AKT3: variants seen among roughly 807,000 people sequenced by gnomAD.
The protein encoded by AKT3 is AKT serine/threonine kinase 3.
AKT3 carries 15 observed loss-of-function variants against 65.3 expected under a neutral mutation model. That is an observed-to-expected ratio of 0.23 (90% CI 0.15 to 0.35). AKT3 has a LOEUF of 0.35. AKT3 is among the 10% of genes least tolerant of loss of function. AKT3 has a pLI of 1.00. For synonymous variants in AKT3, 206 were observed against 183.8 expected, an observed-to-expected ratio of 1.12 and a Z score of -0.98; for missense variants, 243 against 576.5, an observed-to-expected ratio of 0.42 and a Z score of 5.92.
At chr1:243,584,039 T>C (rs945062533) in intron 8 of AKT3, among the ~76,000 whole-genome samples, 8 of 152,252 alleles carry the variant, frequency 5.3e-5, no homozygotes, top group Admixed American at 2.0e-4. Context: ...AAAAGTTGGT[T>C]CTTTGAAAGG....
chr1:243,798,828 C>G (rs1692208474), intron 2 of AKT3, among the ~76,000 whole-genome samples: 1 of 152,152 alleles, frequency 6.6e-6, no homozygotes, highest in Non-Finnish European at 1.5e-5. Context: ...GTCATCAACC[C>G]CTTAACACAG....
At chr1:243,686,779 T>C (rs1274266153) in intron 3 of AKT3, among the ~76,000 whole-genome samples, 3 of 146,068 alleles carry the variant, frequency 2.1e-5, no homozygotes, top group Non-Finnish European at 4.5e-5. Context: ...GCAATTCTCC[T>C]GCTTCAGCCC....
At chr1:243,792,204 C>T (rs985853395) in intron 2 of AKT3, among the ~76,000 whole-genome samples, 6 of 152,162 alleles carry the variant, frequency 3.9e-5, no homozygotes, top group Admixed American at 3.9e-4. Context: ...TTTAAATTCA[C>T]TGGTAATAAC....
At chr1:243,773,556 G>A (rs1189498384) in intron 2 of AKT3, among the ~76,000 whole-genome samples, 3 of 152,130 alleles carry the variant, frequency 2.0e-5, no homozygotes, top group African/African-American at 7.2e-5. Context: ...CCAGGCTGCA[G>A]TGAGCCATGA....
At chr1:243,733,291 A>G (rs558237780) in intron 2 of AKT3, among the ~76,000 whole-genome samples, 11 of 152,324 alleles carry the variant, frequency 7.2e-5, no homozygotes, top group South Asian at 2.1e-4. Context: ...TCTCTTTCAA[A>G]GCTGTTTAAA....
intron 2 of AKT3, among the ~76,000 whole-genome samples, chr1:243,818,342 A>G (rs1693652653): frequency 6.6e-6 from 1 of 152,158 alleles, no homozygotes; most frequent in Non-Finnish European, 1.5e-5. Context: ...ACTCATCTTG[A>G]AGTCTTTTTT....
intron 2 of AKT3, among the ~76,000 whole-genome samples, chr1:243,786,008 G>A (rs1476505727): frequency 1.3e-5 from 2 of 152,158 alleles, no homozygotes; most frequent in Admixed American, 1.3e-4. Context: ...TATGCTTTAT[G>A]AGCTTCAAGG....
At chr1:243,785,679 C>T (rs1215758630) in intron 2 of AKT3, among the ~76,000 whole-genome samples, 1 of 152,160 alleles carries the variant, frequency 6.6e-6, no homozygotes, top group Non-Finnish European at 1.5e-5. Flanking sequence ...TCGTAGGATG[C>T]GTTCATATTG....
At chr1:243,632,955 T>C (rs969193093) in intron 6 of AKT3, among the ~76,000 whole-genome samples, 7 of 152,202 alleles carry the variant, frequency 4.6e-5, no homozygotes, top group African/African-American at 1.4e-4. Context: ...TGCAGCTGGT[T>C]TGAACTTCTA....
intron 2 of AKT3, among the ~76,000 whole-genome samples, chr1:243,822,098 A>C (rs1693890472): frequency 6.6e-6 from 1 of 152,234 alleles, no homozygotes; most frequent in Admixed American, 6.5e-5. Flanking sequence ...CAGCACAATC[A>C]AATCAGAACT....
chr1:243,749,988 C>T (rs1688701918), intron 2 of AKT3, among the ~76,000 whole-genome samples: 1 of 152,172 alleles, frequency 6.6e-6, no homozygotes. Flanking sequence ...TTTTTATTCT[C>T]TTCCAATCTC....
intron 2 of AKT3, among the ~76,000 whole-genome samples, chr1:243,802,056 C>T (rs1167157854): frequency 1.2e-4 from 18 of 152,106 alleles, no homozygotes. Context: ...ACATTATTTC[C>T]TTTGGTTTTC....
chr1:243,591,744 A>G (rs1676244406), intron 8 of AKT3, among the ~76,000 whole-genome samples: 1 of 152,204 alleles, frequency 6.6e-6, no homozygotes, highest in South Asian at 2.1e-4. Context: ...TCAAACTTCA[A>G]GAGATGAAAA....
chr1:243,513,231 G>C (rs866089475), intron 12 of AKT3, among the ~76,000 whole-genome samples: 1 of 152,174 alleles, frequency 6.6e-6, no homozygotes, highest in South Asian at 2.1e-4. Context: ...CTAACACGAG[G>C]CTCCTGCTTC....
chr1:243,769,900 T>C (rs1031747253), intron 2 of AKT3, among the ~76,000 whole-genome samples: 1 of 152,210 alleles, frequency 6.6e-6, no homozygotes, highest in African/African-American at 2.4e-5. Flanking sequence ...AATCCAAAAT[T>C]ACAAAGATTC....
At chr1:243,507,749 C>T (rs925044658) in intron 13 of AKT3, among the ~76,000 whole-genome samples, 1 of 152,186 alleles carries the variant, frequency 6.6e-6, no homozygotes, top group Non-Finnish European at 1.5e-5. Flanking sequence ...CATCAGTTGC[C>T]TGATTTTCTT....
At chr1:243,783,217 A>C (rs1229766009) in intron 2 of AKT3, among the ~76,000 whole-genome samples, 1 of 152,222 alleles carries the variant, frequency 6.6e-6, no homozygotes, top group Admixed American at 6.5e-5. Flanking sequence ...TAAATAAAGC[A>C]TGATTAGAGG....
intron 12 of AKT3, among the ~76,000 whole-genome samples, chr1:243,542,113 T>C (rs1424907340): frequency 6.6e-6 from 1 of 152,198 alleles, no homozygotes; most frequent in Non-Finnish European, 1.5e-5. Flanking sequence ...CTTCCTAAAT[T>C]TATCTACAGA....
chr1:243,676,461 G>A (rs1017774248), intron 3 of AKT3, among the ~76,000 whole-genome samples: 1 of 152,204 alleles, frequency 6.6e-6, no homozygotes, highest in Non-Finnish European at 1.5e-5. Flanking sequence ...ACTGACACCT[G>A]ATGTCTGATG....
Sources: allele counts gnomAD v4.1 joint callset (sites outside exome capture counted in the v4.1 genomes callset), GRCh38; gene constraint gnomAD v4.1.1; transcripts MANE v1.5; gene names NCBI Gene and HGNC (gene_info 2026-07-23, HGNC 2026-07-21).